KIAA0232: variants seen among roughly 807,000 people sequenced by gnomAD.
KIAA0232 encodes the protein uncharacterized protein KIAA0232.
A neutral mutation model predicts 122.0 loss-of-function variants in KIAA0232; 27 were observed. The ratio of observed to expected loss-of-function variants is 0.22; its 90% CI spans 0.16 to 0.31. The LOEUF (loss-of-function observed/expected upper bound fraction) is 0.31. Among genes scored for constraint, KIAA0232 ranks in the 10% least tolerant of loss-of-function variants. The probability of loss-of-function intolerance (pLI) is 1.00; values close to 1 mark genes in which losing one functional copy is unlikely to be tolerated. For missense variants in KIAA0232, 1,551 were observed against 1,634.2 expected (o/e 0.95, Z 0.88); for synonymous variants, 613 against 587.6 (o/e 1.04, Z -0.63).
At chr4:6,852,235 G>A (rs1720327889) in intron 4 of KIAA0232, among the ~76,000 whole-genome samples, 1 of 152,008 alleles carries the variant, frequency 6.6e-6, no homozygotes, top group East Asian at 1.9e-4. Flanking sequence ...TCATACAGGG[G>A]CCTTGGCAGA....
intron 4 of KIAA0232, among the ~76,000 whole-genome samples, chr4:6,852,826 T>C (rs1045678324): frequency 6.6e-6 from 1 of 152,214 alleles, no homozygotes; most frequent in African/African-American, 2.4e-5. Context: ...GGCTGGGAGC[T>C]GTGACCTTTC....
chr4:6,829,075 C>G (rs1718838419), intron 3 of KIAA0232, among the ~76,000 whole-genome samples: 1 of 151,922 alleles, frequency 6.6e-6, no homozygotes, highest in South Asian at 2.1e-4. Context: ...CTTGTTTTTC[C>G]CTGGCATCTC....
At chr4:6,802,593 T>C (rs1020059744) in intron 1 of KIAA0232, among the ~76,000 whole-genome samples, 1 of 151,608 alleles carries the variant, frequency 6.6e-6, no homozygotes, top group African/African-American at 2.4e-5. Context: ...GTGTGTCTTA[T>C]GTACGAACAG....
chr4:6,829,972 G>A (rs1236285145), intron 3 of KIAA0232, among the ~76,000 whole-genome samples: 1 of 152,144 alleles, frequency 6.6e-6, no homozygotes, highest in Non-Finnish European at 1.5e-5. Flanking sequence ...ACCATTGAGA[G>A]TTTATTAAAA....
intron 9 of KIAA0232, among the ~76,000 whole-genome samples, chr4:6,878,724 G>T (rs1721893327): frequency 6.6e-6 from 1 of 152,174 alleles, no homozygotes; most frequent in African/African-American, 2.4e-5. Flanking sequence ...TATCCTGTCT[G>T]GACTGGGCTG....
In KIAA0232 at chr4:6,862,898, C is replaced by A; in HGVS notation, c.2516C>A (p.Ala839Asp). The A allele has an allele frequency of 6.2e-7, 1 of 1,614,186 alleles. No homozygotes were observed. Among genetic ancestry groups the A allele is most frequent in the Non-Finnish European group, 8.5e-7 (1 of 1,180,024 alleles). ...WTKMADTNSV[A>D]TVEIERTDAE... The stretch of plus-strand genomic sequence containing the variant: ...AAGATGGCAGACACAAATTCTGTGG[C>A]TACAGTAGAAATAGAAAGAACTGAT... Residue 839 changes from alanine to aspartate, a missense_variant, in exon 7 of 10, where the codon GCT becomes GAT. Ala to Asp is a moderately radical substitution (Grantham distance 126). Transcript: ENST00000307659.
At chr4:6,802,158 T>A (rs756738157) in intron 1 of KIAA0232, among the ~76,000 whole-genome samples, 7 of 152,214 alleles carry the variant, frequency 4.6e-5, no homozygotes, top group Non-Finnish European at 8.8e-5. Flanking sequence ...ATGGAGAAGT[T>A]GAACTACCTT....
At chr4:6,832,705 T>C (rs1277264193) in intron 3 of KIAA0232, among the ~76,000 whole-genome samples, 1 of 152,158 alleles carries the variant, frequency 6.6e-6, no homozygotes, top group Non-Finnish European at 1.5e-5. Flanking sequence ...CTTAAAACAG[T>C]TCCTGGAATA....
chr4:6,797,439 A>C (rs1717178825), intron 1 of KIAA0232, among the ~76,000 whole-genome samples: 1 of 152,318 alleles, frequency 6.6e-6, no homozygotes, highest in African/African-American at 2.4e-5. Context: ...TGATATGCTA[A>C]ATGCAGGGAA....
Position 6,863,501 on chromosome 4 carries a change from C to G in KIAA0232, c.3119C>G (p.Ser1040Cys). 1.9e-6 allele frequency: 3 copies of G among 1,614,190 alleles called. No homozygotes were observed. Among genetic ancestry groups the G allele is most frequent in the Non-Finnish European group, 2.5e-6 (3 of 1,180,030 alleles). The change falls in exon 7 of 10, where the codon TCT becomes TGT. Residue 1040 changes from serine to cysteine, a missense_variant. By Grantham distance (112) the Ser-to-Cys change is moderately radical. This residue lies in a region of KIAA0232 where 1,108 missense variants were observed against 1,154.8 expected (regional missense o/e 0.96). Coordinates refer to ENST00000307659, the MANE Select transcript of KIAA0232 (RefSeq NM_014743.3). The part of the protein sequence containing the change: ...VEDPGLEYSF[S>C]SFDLSNPFSQ... Reference sequence around the variant, plus strand: ...GATCCTGGACTTGAATACTCATTTTCTTCCTTTGACTTAAGCAATCCATTT... The same window carrying G: ...GATCCTGGACTTGAATACTCATTTTGTTCCTTTGACTTAAGCAATCCATTT...
At chr4:6,852,083 CT>C (rs1313845460) in intron 4 of KIAA0232, among the ~76,000 whole-genome samples, 2 of 151,898 alleles carry the variant, frequency 1.3e-5, no homozygotes, top group Admixed American at 1.3e-4. Context: ...AATCTGTGCC[CT>C]AGATCATGTT....
At chr4:6,859,624 A>G (rs1387376269) in intron 6 of KIAA0232, among the ~76,000 whole-genome samples, 1 of 152,232 alleles carries the variant, frequency 6.6e-6, no homozygotes, top group African/African-American at 2.4e-5. Flanking sequence ...TGTGCCTACT[A>G]GAACACTTAA....
At chr4:6,821,380 C>G (rs904039355) in intron 2 of KIAA0232, among the ~76,000 whole-genome samples, 1 of 152,100 alleles carries the variant, frequency 6.6e-6, no homozygotes, top group Non-Finnish European at 1.5e-5. Context: ...GTCTCCCACC[C>G]TTTCCCCCTG....
chr4:6,802,088 C>A (rs1202131585), intron 1 of KIAA0232, among the ~76,000 whole-genome samples: 1 of 152,160 alleles, frequency 6.6e-6, no homozygotes, highest in Admixed American at 6.5e-5. Flanking sequence ...GAAGCAAATG[C>A]AGACAATTTA....
chr4:6,850,497 G>T (rs1339807956), intron 4 of KIAA0232, among the ~76,000 whole-genome samples: 3 of 151,852 alleles, frequency 2.0e-5, no homozygotes, highest in African/African-American at 7.3e-5. Flanking sequence ...ACTTCTTTTA[G>T]TTAAAAATTT....
At position 6,883,109 on chromosome 4, in the gene KIAA0232, AGAGAT is replaced by A. The variant is rs898966588; in HGVS notation, c.*2146_*2150del. On this transcript the variant is annotated 3_prime_UTR_variant, in exon 10 of 10. Transcript: ENST00000307659. ...CTGAAGCTCAGAGGCTTTCAGCAAC[AGAGAT>A]GAAAGTGTGGCTTTTTAGTTTTGTG... 1.3e-5 allele frequency: 2 copies of A among 152,694 alleles called. No homozygotes were observed. The highest frequency in any genetic ancestry group is 4.8e-5 in the African/African-American group (2 of 41,476). 9.5% of individuals were successfully genotyped at this position (152,694 alleles called of 1,614,324 possible).
intron 1 of KIAA0232, among the ~76,000 whole-genome samples, chr4:6,799,922 T>C (rs1717300995): frequency 6.6e-6 from 1 of 151,728 alleles, no homozygotes; most frequent in African/African-American, 2.4e-5. Flanking sequence ...CTCCATCTCC[T>C]GACATCATGA....
At chr4:6,800,113 A>G (rs1321389163) in intron 1 of KIAA0232, among the ~76,000 whole-genome samples, 1 of 116,212 alleles carries the variant, frequency 8.6e-6, no homozygotes, top group Non-Finnish European at 1.7e-5. Flanking sequence ...GTTAGAGTGC[A>G]GTGGCATGAT....
chr4:6,831,297 G>A (rs1048761308), intron 3 of KIAA0232, among the ~76,000 whole-genome samples: 4 of 151,956 alleles, frequency 2.6e-5, no homozygotes, highest in Non-Finnish European at 5.9e-5. Flanking sequence ...CTCGTGATCC[G>A]CCCGCCTCGG....
Sources: allele counts gnomAD v4.1 joint callset (sites outside exome capture counted in the v4.1 genomes callset), GRCh38; gene constraint gnomAD v4.1.1; regional missense constraint gnomAD v4.1.1; transcripts MANE v1.5; gene names NCBI Gene and HGNC (gene_info 2026-07-23, HGNC 2026-07-21).